Variants in CADPS observed in about 807,000 individuals in gnomAD.
CADPS encodes the protein calcium dependent secretion activator.
A neutral mutation model predicts 167.3 loss-of-function variants in CADPS; 57 were observed. The observed-to-expected ratio is 0.34, with a 90% CI of 0.28 to 0.42. The LOEUF (loss-of-function observed/expected upper bound fraction) is 0.42. Among genes scored for constraint, CADPS ranks in the 20% least tolerant of loss-of-function variants. The pLI, the probability that CADPS is intolerant of heterozygous loss-of-function variation, is 1.00. For synonymous variants in CADPS, 676 were observed against 635.3 expected (o/e 1.06, Z -0.96); for missense variants, 1,414 against 1,738.1 (o/e 0.81, Z 3.32).
At chr3:62,480,161 C>A (rs757626210) in intron 22 of CADPS, among the ~76,000 whole-genome samples, 4 of 151,752 alleles carry the variant, frequency 2.6e-5, no homozygotes, top group Non-Finnish European at 5.9e-5. Flanking sequence ...GCAATAGCAC[C>A]AAGATTATTT....
intron 4 of CADPS, among the ~76,000 whole-genome samples, chr3:62,651,753 C>T (rs1249223268): frequency 4.6e-5 from 7 of 152,084 alleles, no homozygotes; most frequent in Non-Finnish European, 4.4e-5. Context: ...CTATTTGTTT[C>T]TTCATACTTC....
chr3:62,850,623 A>C (rs1477480929), intron 1 of CADPS, among the ~76,000 whole-genome samples: 1 of 147,960 alleles, frequency 6.8e-6, no homozygotes, highest in Non-Finnish European at 1.5e-5. Context: ...GTTTGATTGC[A>C]CTGTGGTCTG....
chr3:62,769,882 A>T (rs543024954), intron 1 of CADPS, among the ~76,000 whole-genome samples: 1 of 152,118 alleles, frequency 6.6e-6, no homozygotes, highest in Non-Finnish European at 1.5e-5. Context: ...GTTCCTCATT[A>T]AAAAATTTGG....
At chr3:62,821,470 T>C (rs1033577544) in intron 1 of CADPS, among the ~76,000 whole-genome samples, 2 of 152,204 alleles carry the variant, frequency 1.3e-5, no homozygotes, top group Non-Finnish European at 2.9e-5. Flanking sequence ...TCTTTGCCTC[T>C]TTCAGCTTTT....
intron 1 of CADPS, among the ~76,000 whole-genome samples, chr3:62,861,982 C>A (rs577106846): frequency 2.0e-5 from 3 of 151,974 alleles, no homozygotes; most frequent in Non-Finnish European, 4.4e-5. Flanking sequence ...ACTTCTTCCA[C>A]CCAGCCTGGC....
intron 1 of CADPS, among the ~76,000 whole-genome samples, chr3:62,773,301 T>G (rs771626127): frequency 4.6e-5 from 7 of 152,134 alleles, no homozygotes; most frequent in Non-Finnish European, 7.4e-5. Flanking sequence ...TTACATAAAG[T>G]TCTTCTCACC....
Position 62,485,612 on chromosome 3 carries a change from T to C in CADPS, c.3027-3743A>G, listed in dbSNP as rs1318173884. ...TGTATGTTGCTCAGACCCAACTAGA[T>C]TGAAACCCTCATCTGGGGAAACATC... On this transcript the variant is annotated intron_variant, in intron 21 of 29. Coordinates refer to ENST00000383710, the MANE Select transcript of CADPS (RefSeq NM_003716.4). Among the ~76,000 whole-genome samples the C allele has an allele frequency of 4.0e-5, 6 of 150,468 alleles. No individual in the cohort carries two copies. The East Asian group carries it at 6.1e-4, about 15-fold the overall frequency.
intron 1 of CADPS, among the ~76,000 whole-genome samples, chr3:62,802,349 T>C (rs1197750195): frequency 1.3e-5 from 2 of 152,198 alleles, no homozygotes; most frequent in Non-Finnish European, 2.9e-5. Context: ...GTAAATGTTG[T>C]ACTCTTTGCC....
rs771045473 is a variant in CADPS, at chr3:62,438,196, C to T, written c.3685G>A (p.Val1229Met). 7.4e-6 allele frequency: 12 copies of T among 1,613,132 alleles called. No individual in the cohort carries two copies. In the Admixed American group the frequency reaches 1.2e-4, roughly 16 times the overall value. ...ACGAAAGTCACGTAGGCGTCGGCCA[C>T]GTCCATCCCGGGTTTCTGTAAAGAA... ...YVDVPKPGMD[V>M]ADAYVTFVRH... The change falls in exon 28 of 30, where the codon GTG becomes ATG. Residue 1229 changes from valine to methionine, a missense_variant. Physicochemically the swap from Val to Met is conservative, Grantham distance 21. Around this residue, in one of 6 missense-constraint regions of CADPS, gnomAD observed 185 missense variants for 251.5 expected, o/e 0.74. Transcript: ENST00000383710. The surrounding 1 kb of genome is among the most constrained non-coding windows in gnomAD (Gnocchi z 4.7).
At chr3:62,477,978 T>C in intron 23 of CADPS, 1 of 383,888 alleles carries the variant, frequency 2.6e-6, no homozygotes, top group Non-Finnish European at 4.8e-6. Context: ...CAGACACTGC[T>C]AGATATCAGG....
chr3:62,582,628 A>G (rs1041411183), intron 8 of CADPS, among the ~76,000 whole-genome samples: 17 of 152,204 alleles, frequency 1.1e-4, no homozygotes, highest in Admixed American at 9.8e-4. Flanking sequence ...AAGGTTGCTC[A>G]TCCCTGATTT....
intron 6 of CADPS, among the ~76,000 whole-genome samples, chr3:62,618,207 G>C (rs2062638308): frequency 6.6e-6 from 1 of 152,184 alleles, no homozygotes; most frequent in Non-Finnish European, 1.5e-5. Context: ...TCCATGAGGA[G>C]AAAGGCTACC....
In CADPS at chr3:62,837,389, G is replaced by A. The variant is rs533270213; in HGVS notation, c.441+37200C>T. Among the ~76,000 whole-genome samples, 5 of 152,240 alleles carry A rather than the reference G, an allele frequency of 3.3e-5. No homozygotes were observed. The East Asian group carries it at 5.8e-4, about 18-fold the overall frequency. ...TTTGCTCCCACTGACCTCACAGGAC[G>A]GGTTAAGTTGAGAGAACTACAGCAT... On this transcript the variant is annotated intron_variant, in intron 1 of 29. Coordinates refer to ENST00000383710, the MANE Select transcript of CADPS (RefSeq NM_003716.4).
At chr3:62,574,336 T>C (rs2081886395) in intron 8 of CADPS, among the ~76,000 whole-genome samples, 1 of 152,128 alleles carries the variant, frequency 6.6e-6, no homozygotes, top group African/African-American at 2.4e-5. Context: ...TTTAAGAAGA[T>C]CTCACTGGCT....
rs1158821892 is a variant in CADPS, at chr3:62,420,907, CACACACA to C, written c.3777+17190_3777+17196del. Among the ~76,000 whole-genome samples the C allele has an allele frequency of 1.7e-4, 24 of 137,690 alleles. No homozygotes were observed. The highest frequency in any genetic ancestry group is 2.6e-4 in the African/African-American group (9 of 34,480). 90.3% of individuals were successfully genotyped at this position (137,690 alleles called of 152,430 possible). A position where few individuals can be genotyped will look rare whatever the true frequency, so the allele number is the denominator to read the frequency against. On this transcript the variant is annotated intron_variant, in intron 28 of 29. Coordinates refer to ENST00000383710, the MANE Select transcript of CADPS (RefSeq NM_003716.4). The surrounding 1 kb of genome is among the most constrained non-coding windows in gnomAD (Gnocchi z 4.1). ...ACACACACACACACACACACAGGCA[CACACACA>C]CACACTTGCCAGATCACTTACCCAA...
At chr3:62,668,487 A>T (rs779212349) in intron 3 of CADPS, among the ~76,000 whole-genome samples, 58 of 151,960 alleles carry the variant, frequency 3.8e-4, no homozygotes, top group Non-Finnish European at 2.4e-4. Flanking sequence ...TGCCTGGAGC[A>T]CTCTTCCTTA....
At chr3:62,624,071 G>A in intron 6 of CADPS, among the ~76,000 whole-genome samples, 1 of 152,062 alleles carries the variant, frequency 6.6e-6, no homozygotes, top group East Asian at 1.9e-4. Context: ...AAAGTCCAGA[G>A]ATGCTGCTAA....
At chr3:62,537,261 T>A (rs1384420530) in intron 11 of CADPS, among the ~76,000 whole-genome samples, 1 of 152,198 alleles carries the variant, frequency 6.6e-6, no homozygotes, top group Non-Finnish European at 1.5e-5. Context: ...ACAAACAAAT[T>A]TACTCAGCAA....
chr3:62,867,246 G>T (rs936049943), intron 1 of CADPS, among the ~76,000 whole-genome samples: 1 of 151,948 alleles, frequency 6.6e-6, no homozygotes, highest in African/African-American at 2.4e-5. Flanking sequence ...CAATGATAAC[G>T]AGCATAGTGC....
Sources: allele counts gnomAD v4.1 joint callset (sites outside exome capture counted in the v4.1 genomes callset), GRCh38; gene constraint gnomAD v4.1.1; regional missense constraint gnomAD v4.1.1; non-coding constraint Gnocchi (gnomAD v3.1); transcripts MANE v1.5; gene names NCBI Gene and HGNC (gene_info 2026-07-23, HGNC 2026-07-21).